The following EXD3 variants were observed in gnomAD, a reference collection of about 807,000 sequenced individuals.
EXD3 encodes exonuclease mut-7 homolog.
In EXD3, 92 loss-of-function variants were observed where a neutral mutation model predicts 98.0. The observed-to-expected ratio is 0.94, with a 90% CI of 0.79 to 1.12. The LOEUF is 1.12. EXD3 is among the 50% of genes most tolerant of loss of function. The pLI is 0.00. For missense variants in EXD3, 1,222 were observed against 1,191.6 expected (o/e 1.03, Z -0.38); for synonymous variants, 569 against 526.0 (o/e 1.08, Z -1.12).
chr9:137,393,011 G>T lies in EXD3; in HGVS notation c.55+2292C>A. Reference sequence around the variant, plus strand: ...CGAGGCTGTTCTCGGTGGGGGTGCCGTGTCTGTTCCAGGGAGGGCCATTAG... The same window carrying T: ...CGAGGCTGTTCTCGGTGGGGGTGCCTTGTCTGTTCCAGGGAGGGCCATTAG... On this transcript the variant is annotated intron_variant, in intron 2 of 21. Coordinates refer to ENST00000340951, the MANE Select transcript of EXD3 (RefSeq NM_017820.5). The surrounding 1 kb of genome is among the most constrained non-coding windows in gnomAD (Gnocchi z 4.6). 1.6e-6 allele frequency: 1 copy of T among 623,562 alleles called. No homozygotes were observed. The highest frequency in any genetic ancestry group is 2.9e-6 in the Non-Finnish European group (1 of 346,974). 38.6% of individuals were successfully genotyped at this position (623,562 alleles called of 1,614,324 possible).
chr9:137,419,216 C>T (rs918324410), intron 1 of EXD3, among the ~76,000 whole-genome samples: 1 of 152,180 alleles, frequency 6.6e-6, no homozygotes, highest in Non-Finnish European at 1.5e-5. Context: ...AAAATTCTGA[C>T]ATGTCTTGGT....
At chr9:137,317,941 C>A (rs755425104) in intron 19 of EXD3, among the ~76,000 whole-genome samples, 1 of 152,044 alleles carries the variant, frequency 6.6e-6, no homozygotes, top group African/African-American at 2.4e-5. Flanking sequence ...GGGTGCCAAG[C>A]GTGGGAATGG....
Position 137,347,640 on chromosome 9 carries a change from C to T in EXD3, c.1998+431G>A, listed in dbSNP as rs1834004299. 6.6e-6 allele frequency among the ~76,000 whole-genome samples: 1 copy of T among 151,966 alleles called. No homozygotes were observed. The highest frequency in any genetic ancestry group is 2.4e-5 in the African/African-American group (1 of 41,382). On this transcript the variant is annotated intron_variant, in intron 17 of 21. Transcript: ENST00000340951. This position sits in a 1 kb window ranked among gnomAD's most constrained non-coding sequence, Gnocchi z 4.2. ...TCTATTTTTGGTACAGACGGGGTTT[C>T]ACCATATTGGTCAGGCTGGTCTCCA... is the stretch of plus-strand genomic sequence containing the variant.
At position 137,349,298 on chromosome 9, in the gene EXD3, G is replaced by A; in HGVS notation, c.1658-16C>T. 1 of 1,556,624 alleles carries A rather than the reference G, an allele frequency of 6.4e-7. No homozygotes were observed. The highest frequency in any genetic ancestry group is 8.6e-7 in the Non-Finnish European group (1 of 1,156,966). Reference sequence around the variant, plus strand: ...GCGTCGGCAGCTGTGTGGGGAGTCGGCCTCAGCCTCCCGGGACAGAGGGCG... The same window carrying A: ...GCGTCGGCAGCTGTGTGGGGAGTCGACCTCAGCCTCCCGGGACAGAGGGCG... On this transcript the variant is annotated splice_polypyrimidine_tract_variant and intron_variant, in intron 15 of 21. Transcript: ENST00000340951. The surrounding 1 kb of genome is among the most constrained non-coding windows in gnomAD (Gnocchi z 7.4).
chr9:137,406,480 CTGTT>C (rs1374773528), intron 1 of EXD3, among the ~76,000 whole-genome samples: 1 of 152,132 alleles, frequency 6.6e-6, no homozygotes, highest in Non-Finnish European at 1.5e-5. Context: ...CGCTCCACCT[CTGTT>C]TGTCTTGTCC....
intron 7 of EXD3, among the ~76,000 whole-genome samples, chr9:137,358,702 T>C (rs1376539781): frequency 2.0e-5 from 3 of 152,152 alleles, no homozygotes; most frequent in Non-Finnish European, 4.4e-5. Flanking sequence ...TAAATGTATA[T>C]ATTTGACACA....
intron 7 of EXD3, among the ~76,000 whole-genome samples, chr9:137,358,113 T>A (rs1834883813): frequency 6.6e-6 from 1 of 152,162 alleles, no homozygotes; most frequent in South Asian, 2.1e-4. Flanking sequence ...CATCTGTCCA[T>A]CCAATCCAGT....
At chr9:137,394,503 C>G (rs780644024) in intron 2 of EXD3, among the ~76,000 whole-genome samples, 49 of 136,466 alleles carry the variant, frequency 3.6e-4, no homozygotes, top group African/African-American at 6.7e-4. Context: ...GCTTCCCTAA[C>G]CCCGGCCTCC....
In EXD3 at chr9:137,348,089, G is replaced by T; in HGVS notation, c.1980C>A (p.Asp660Glu). 6.2e-7 allele frequency: 1 copy of T among 1,611,564 alleles called. No homozygotes were observed. Among genetic ancestry groups the T allele is most frequent in the Non-Finnish European group, 8.5e-7 (1 of 1,179,672 alleles). ...AACTCACCTCGGCCGCCCTGCGGTG[G>T]TCTTCACCATTGCCCAGCATGCGTG... ...VDARMLGNGEDHRRAAEVARQ... is the reference protein window; with the variant it reads ...VDARMLGNGEEHRRAAEVARQ... The change falls in exon 17 of 22, where the codon GAC (aspartate) becomes GAA (glutamate). Residue 660 changes from aspartate to glutamate, a missense_variant. By Grantham distance (45) the Asp-to-Glu change is conservative. Transcript: ENST00000340951.
At chr9:137,388,551 G>A (rs1478307343) in intron 2 of EXD3, among the ~76,000 whole-genome samples, 1 of 152,126 alleles carries the variant, frequency 6.6e-6, no homozygotes, top group East Asian at 1.9e-4. Flanking sequence ...AGAAACACAG[G>A]GGGCTTTTTA....
In EXD3 at chr9:137,356,293, C is replaced by A. The variant is rs753241893; in HGVS notation, c.732G>T (p.Leu244=). 1.9e-6 allele frequency: 3 copies of A among 1,603,834 alleles called. No individual in the cohort carries two copies. The highest frequency in any genetic ancestry group is 3.4e-5 in the Admixed American group (2 of 58,688). ...PKALSRQVLR[L]QERYGVAPAL... is the part of the protein sequence containing the mutation. ...CTGGGGCTACGCCGTACCGCTCCTGCAGACGCAAGACCTGCCTGCTCAGCG... is the reference window on the plus strand; with the variant it reads ...CTGGGGCTACGCCGTACCGCTCCTGAAGACGCAAGACCTGCCTGCTCAGCG... The change falls in exon 8 of 22, where the codon CTG becomes CTT. Residue 244 remains leucine, a synonymous_variant. Coordinates refer to ENST00000340951, the MANE Select transcript of EXD3 (RefSeq NM_017820.5).
intron 1 of EXD3, among the ~76,000 whole-genome samples, chr9:137,396,935 C>T (rs1044701567): frequency 3.9e-5 from 6 of 152,246 alleles, no homozygotes; most frequent in South Asian, 2.1e-4. Context: ...CTGCTCCCCA[C>T]GCTGGAGCCT....
chr9:137,397,491 T>A (rs1238462080), intron 1 of EXD3, among the ~76,000 whole-genome samples: 1 of 151,672 alleles, frequency 6.6e-6, no homozygotes, highest in Admixed American at 6.6e-5. Context: ...TTCACGAAAC[T>A]CAGCACGTAA....
chr9:137,310,675 CAA>C (rs1027176861), intron 19 of EXD3, among the ~76,000 whole-genome samples: 1 of 152,164 alleles, frequency 6.6e-6, no homozygotes, highest in Admixed American at 6.5e-5. Context: ...ACTTCCTGGA[CAA>C]AGAGACGGGT....
intron 2 of EXD3, among the ~76,000 whole-genome samples, chr9:137,394,760 CT>C (rs1277975345): frequency 6.6e-6 from 1 of 152,190 alleles, no homozygotes; most frequent in Non-Finnish European, 1.5e-5. Context: ...TCTCATTTCT[CT>C]TTTTTAACCT....
In EXD3 at chr9:137,326,004, G is replaced by A. The variant is rs144646604; in HGVS notation, c.1999-1861C>T. 3.6e-3 allele frequency among the ~76,000 whole-genome samples: 553 copies of A among 151,956 alleles called. 5 individuals are homozygous for A. The highest frequency in any genetic ancestry group is 0.013 in the African/African-American group (529 of 41,398). ...TCGACGTGGGATGATCACCTGAGCC[G>A]GGAGGTCAAGGCTGCAGTGGGCCGT... On this transcript the variant is annotated intron_variant, in intron 17 of 21. Coordinates refer to ENST00000340951, the MANE Select transcript of EXD3 (RefSeq NM_017820.5).
Position 137,355,693 on chromosome 9 carries a change from GGGAGGAAGGAGGAA to G in EXD3, c.757+561_757+574del, listed in dbSNP as rs773247333. ...AAAGGGAGGATGGAGGAAGGAGAAAGGGAGGAAGGAGGAAGGAGGAAGGAGGAAGGAGGAAGGAG... is the reference window on the plus strand; with the variant it reads ...AAAGGGAGGATGGAGGAAGGAGAAAGGGAGGAAGGAGGAAGGAGGAAGGAG... On this transcript the variant is annotated intron_variant, in intron 8 of 21. Coordinates refer to ENST00000340951, the MANE Select transcript of EXD3 (RefSeq NM_017820.5). 2.0e-4 allele frequency among the ~76,000 whole-genome samples: 8 copies of G among 40,526 alleles called. 1 individual carries two copies. Among genetic ancestry groups the G allele is most frequent in the Admixed American group, 6.6e-4 (2 of 3,026 alleles). The allele number at this position is 40,526 out of a possible 152,430, so 26.6% of individuals were successfully genotyped here. A position where few individuals can be genotyped will look rare whatever the true frequency, so the allele number is the denominator to read the frequency against.
chr9:137,390,823 GC>G (rs1348299650), intron 2 of EXD3, among the ~76,000 whole-genome samples: 3 of 152,208 alleles, frequency 2.0e-5, no homozygotes, highest in Non-Finnish European at 4.4e-5. Flanking sequence ...GGCCAGCTCA[GC>G]CTCCTTCAGT....
At chr9:137,354,843 C>A in intron 8 of EXD3, 70 bp from the exon 9 acceptor site, 1 of 1,483,836 alleles carries the variant, frequency 6.7e-7, no homozygotes. Flanking sequence ...CTGGGGCGGG[C>A]TGGAGACGGG....
Sources: gnomAD v4.1 joint callset for allele counts (sites outside exome capture counted in the v4.1 genomes callset) on GRCh38, gnomAD v4.1.1 for gene constraint, Gnocchi (gnomAD v3.1) non-coding constraint, MANE v1.5 for transcripts, NCBI Gene and HGNC (gene_info 2026-07-23, HGNC 2026-07-21) for gene names.